FABP6: variants seen among roughly 807,000 people sequenced by gnomAD.
FABP6 encodes the protein gastrotropin.
In FABP6, 13 loss-of-function variants were observed where a neutral mutation model predicts 14.9. The observed-to-expected ratio is 0.87, with a 90% confidence interval of 0.57 to 1.39. The LOEUF is 1.39. FABP6 is among the 40% of genes most tolerant of loss of function. The pLI is 0.00. For missense variants in FABP6, 161 were observed against 167.2 expected, an observed-to-expected ratio of 0.96 and a Z score of 0.20; for synonymous variants, 75 against 63.6, an observed-to-expected ratio of 1.18 and a Z score of -0.85.
At chr5:160,190,928 C>G (rs1269593760) in intron 1 of FABP6, among the ~76,000 whole-genome samples, 2 of 147,344 alleles carry the variant, frequency 1.4e-5, no homozygotes, top group Non-Finnish European at 3.0e-5. Flanking sequence ...CTGGCTAACA[C>G]AGTGAAACCC....
At chr5:160,213,045 C>T (rs1479979118) in intron 2 of FABP6, among the ~76,000 whole-genome samples, 1 of 152,188 alleles carries the variant, frequency 6.6e-6, no homozygotes, top group Non-Finnish European at 1.5e-5. Context: ...ACTCTTTGGG[C>T]ACCTATCCAG....
chr5:160,205,023 A>C (rs971199461), intron 2 of FABP6, among the ~76,000 whole-genome samples: 1 of 152,200 alleles, frequency 6.6e-6, no homozygotes, highest in African/African-American at 2.4e-5. Flanking sequence ...TTTGGGGACC[A>C]GTGGTGCCTC....
intron 1 of FABP6, among the ~76,000 whole-genome samples, chr5:160,188,542 C>A (rs1759334583): frequency 6.6e-6 from 1 of 152,108 alleles, no homozygotes; most frequent in Non-Finnish European, 1.5e-5. Flanking sequence ...GGGGAGAGGC[C>A]GCCGCCGCGC....
chr5:160,213,659 C>T, intron 2 of FABP6: 2 of 1,238,944 alleles, frequency 1.6e-6, no homozygotes, highest in Non-Finnish European at 2.4e-6. Flanking sequence ...CTCTGCCTCC[C>T]TGCACAGAGC....
In FABP6 at chr5:160,191,540, T is replaced by C. The variant is rs114187672; in HGVS notation, c.-59+4086T>C. ...AGACCCTGCCCATCTCTCTACTGTG[T>C]TCCCCTCTCATGCCCTCATTCCTTT... On this transcript the variant is annotated intron_variant, in intron 1 of 6. Transcript: ENST00000393980. 4.5e-3 allele frequency among the ~76,000 whole-genome samples: 690 copies of C among 152,262 alleles called. 6 individuals are homozygous for C. The highest frequency in any genetic ancestry group is 0.016 in the African/African-American group (658 of 41,566).
upstream of FABP6, chr5:160,228,355 C>T: frequency 2.2e-6 from 1 of 450,306 alleles, no homozygotes; most frequent in South Asian, 1.6e-5. Flanking sequence ...CACACCTTTG[C>T]ACTCCAGCCT....
At chr5:160,193,742 TAGAG>T (rs1346187404) in intron 1 of FABP6, among the ~76,000 whole-genome samples, 3 of 152,248 alleles carry the variant, frequency 2.0e-5, no homozygotes, top group Admixed American at 6.5e-5. Context: ...TTGAGCTAGA[TAGAG>T]AGTGCCGATT....
At chr5:160,210,819 C>G (rs1759872117) in intron 2 of FABP6, among the ~76,000 whole-genome samples, 2 of 152,208 alleles carry the variant, frequency 1.3e-5, no homozygotes, top group South Asian at 4.1e-4. Context: ...CAACGAGTGT[C>G]CTGCAGAATT....
intron 2 of FABP6, among the ~76,000 whole-genome samples, chr5:160,212,285 G>C (rs956883865): frequency 6.6e-6 from 1 of 152,072 alleles, no homozygotes; most frequent in Non-Finnish European, 1.5e-5. Flanking sequence ...CTCCCAAGTA[G>C]CTGGGACTAC....
intron 2 of FABP6, among the ~76,000 whole-genome samples, chr5:160,212,304 G>A (rs1287683764): frequency 2.8e-4 from 41 of 149,082 alleles, no homozygotes; most frequent in African/African-American, 9.9e-4. Context: ...ACAGGCACCC[G>A]CCACCATGCC....
intron 2 of FABP6, among the ~76,000 whole-genome samples, chr5:160,201,374 C>G (rs929497230): frequency 1.3e-5 from 2 of 150,932 alleles, no homozygotes; most frequent in Non-Finnish European, 3.0e-5. Flanking sequence ...AACAAAAATC[C>G]CCAAAGAAAC....
At chr5:160,189,328 A>G (rs1580892636) in intron 1 of FABP6, among the ~76,000 whole-genome samples, 2 of 152,028 alleles carry the variant, frequency 1.3e-5, no homozygotes, top group Non-Finnish European at 2.9e-5. Context: ...TGCAACCTCC[A>G]CTTCCCAGGT....
At chr5:160,190,786 T>C (rs975865875) in intron 1 of FABP6, among the ~76,000 whole-genome samples, 15 of 152,080 alleles carry the variant, frequency 9.9e-5, no homozygotes, top group Non-Finnish European at 5.9e-5. Flanking sequence ...AGGGAAACCA[T>C]AGAATGCTTT....
chr5:160,231,168 T>A (rs1245232973), intron 1 of FABP6, among the ~76,000 whole-genome samples: 2 of 152,204 alleles, frequency 1.3e-5, no homozygotes, highest in African/African-American at 4.8e-5. Context: ...CCTTGGGGCC[T>A]TGAGGAGTCG....
At chr5:160,229,861 ATTTTATTTTATTTT>A (rs1561755267) in intron 1 of FABP6, among the ~76,000 whole-genome samples, 3 of 112,248 alleles carry the variant, frequency 2.7e-5, no homozygotes, top group Non-Finnish European at 5.9e-5. Flanking sequence ...ATTTTATTTT[ATTTTATTTTATTTT>A]ATTTTATTTT....
At position 160,220,878 on chromosome 5, in the gene FABP6, A is replaced by G. The variant is rs563926423; in HGVS notation, c.135+7059A>G. On this transcript the variant is annotated intron_variant, in intron 3 of 6. Coordinates refer to the FABP6 transcript ENST00000393980. ...TGAGGTGGGTGGATCATTTGAGATC[A>G]GGAGTTCAAGACCAGCCTGGCCAAC... Among the ~76,000 whole-genome samples the G allele has an allele frequency of 1.1e-4, 16 of 151,998 alleles. No individual in the cohort carries two copies. The Middle Eastern group carries it at 0.01, about 97-fold the overall frequency.
chr5:160,226,269 A>G (rs1386024734), upstream of FABP6, among the ~76,000 whole-genome samples: 1 of 151,964 alleles, frequency 6.6e-6, no homozygotes, highest in South Asian at 2.1e-4. Flanking sequence ...AGCTATTTTA[A>G]GAGTAAATAT....
At chr5:160,202,571 C>A (rs960564159) in intron 2 of FABP6, among the ~76,000 whole-genome samples, 2 of 152,170 alleles carry the variant, frequency 1.3e-5, no homozygotes, top group African/African-American at 4.8e-5. Flanking sequence ...ACAAGGCAGG[C>A]AAATCACGAG....
At chr5:160,214,299 G>A (rs1759966660) in intron 3 of FABP6, among the ~76,000 whole-genome samples, 1 of 151,912 alleles carries the variant, frequency 6.6e-6, no homozygotes, top group Non-Finnish European at 1.5e-5. Flanking sequence ...TATTAGCTGG[G>A]ATTACAGGCA....
Sources: gnomAD v4.1 joint callset for allele counts (sites outside exome capture counted in the v4.1 genomes callset) on GRCh38, gnomAD v4.1.1 for gene constraint, MANE v1.5 for transcripts, NCBI Gene and HGNC (gene_info 2026-07-23, HGNC 2026-07-21) for gene names.